Variants in GRIK4 observed in about 807,000 individuals in gnomAD.
GRIK4 encodes glutamate receptor ionotropic, kainate 4.
A neutral mutation model predicts 104.9 loss-of-function variants in GRIK4; 40 were observed. The observed-to-expected ratio is 0.38, with a 90% CI of 0.30 to 0.50. The LOEUF (loss-of-function observed/expected upper bound fraction) is 0.50, where lower values mean the gene tolerates loss of function less well. Ranked by LOEUF, GRIK4 falls within the 20% of genes least tolerant of loss-of-function variation. GRIK4 has a pLI of 0.93. For missense variants in GRIK4, 1,047 were observed against 1,308.1 expected, an observed-to-expected ratio of 0.80 and a Z score of 3.08; for synonymous variants, 485 against 524.9, an observed-to-expected ratio of 0.92 and a Z score of 1.04.
At chr11:120,590,809 A>G (rs543239147) in intron 1 of GRIK4, among the ~76,000 whole-genome samples, 14 of 152,190 alleles carry the variant, frequency 9.2e-5, no homozygotes, top group African/African-American at 3.4e-4. Flanking sequence ...TTGCTAAGTG[A>G]TTTATACAGA....
chr11:120,962,368 T>G (rs1392051022), intron 17 of GRIK4, 88 bp from the exon 18 acceptor site: 4 of 830,504 alleles, frequency 4.8e-6, no homozygotes, highest in Middle Eastern at 4.5e-4. Flanking sequence ...AGGGCCGGCA[T>G]CTTAAGGTGC....
At chr11:120,908,811 C>T (rs949055) in intron 13 of GRIK4, among the ~76,000 whole-genome samples, 92,256 of 152,094 alleles carry the variant, frequency 0.61, 28,929 homozygotes, top group East Asian at 0.84. Flanking sequence ...ACCTCCCCAA[C>T]ACTTCTAGGC....
chr11:120,516,261 G>A (rs1947722847), intron 1 of GRIK4, among the ~76,000 whole-genome samples: 1 of 152,162 alleles, frequency 6.6e-6, no homozygotes. Flanking sequence ...CATGGCGTGT[G>A]TGTTGATTGC....
intron 1 of GRIK4, among the ~76,000 whole-genome samples, chr11:120,548,648 G>A (rs1267279831): frequency 6.6e-6 from 1 of 152,132 alleles, no homozygotes; most frequent in Non-Finnish European, 1.5e-5. Flanking sequence ...GAGACCTCTG[G>A]TGGCAGCTGG....
intron 3 of GRIK4, among the ~76,000 whole-genome samples, chr11:120,722,345 G>A (rs1418714492): frequency 2.0e-5 from 3 of 152,180 alleles, no homozygotes; most frequent in South Asian, 2.1e-4. Context: ...GGGGCCGGGC[G>A]CAGTGGCTCA....
At chr11:120,613,228 T>A (rs1379402593) in intron 1 of GRIK4, among the ~76,000 whole-genome samples, 1 of 152,130 alleles carries the variant, frequency 6.6e-6, no homozygotes, top group East Asian at 1.9e-4. Context: ...TCCTCACACT[T>A]TCTGTTTCTT....
intron 3 of GRIK4, among the ~76,000 whole-genome samples, chr11:120,777,630 C>A (rs1341600759): frequency 1.3e-5 from 2 of 152,186 alleles, no homozygotes; most frequent in Non-Finnish European, 2.9e-5. Flanking sequence ...TGTTGATATA[C>A]ACTATGGACA....
chr11:120,856,304 G>A (rs1954103899), intron 8 of GRIK4, among the ~76,000 whole-genome samples: 1 of 152,176 alleles, frequency 6.6e-6, no homozygotes, highest in African/African-American at 2.4e-5. Flanking sequence ...ACTGTTTCCT[G>A]ATGAGATTGC....
rs529444793 is a variant in GRIK4, at chr11:120,749,690, C to T, written c.83-53003C>T. On this transcript the variant is annotated intron_variant, in intron 3 of 20. Transcript: ENST00000527524. ...GCAGGAAGATGGTAAATAATGCCAG[C>T]GCTGCTTTGTGGTAGGGAGCTCTTT... 4.6e-5 allele frequency among the ~76,000 whole-genome samples: 7 copies of T among 152,204 alleles called. No homozygotes were observed. The East Asian group carries it at 5.8e-4, about 13-fold the overall frequency.
At chr11:120,795,215 C>T (rs1952486702) in intron 3 of GRIK4, among the ~76,000 whole-genome samples, 1 of 152,192 alleles carries the variant, frequency 6.6e-6, no homozygotes, top group Non-Finnish European at 1.5e-5. Context: ...TGGAAATCTT[C>T]AGCAGCGAGG....
In GRIK4 at chr11:120,555,487, C is replaced by T. The variant is rs1405975650; in HGVS notation, c.-159+43600C>T. 6.6e-6 allele frequency among the ~76,000 whole-genome samples: 1 copy of T among 152,238 alleles called. No homozygotes were observed. The highest frequency in any genetic ancestry group is 1.5e-5 in the Non-Finnish European group (1 of 68,032). Reference sequence around the variant, plus strand: ...TACTCGCCGAGCCAGCATTCACACACTTTCTCCTCTTCACTCAGTAAAATT... The same window carrying T: ...TACTCGCCGAGCCAGCATTCACACATTTTCTCCTCTTCACTCAGTAAAATT... On this transcript the variant is annotated intron_variant, in intron 1 of 20. Coordinates refer to ENST00000527524, the MANE Select transcript of GRIK4 (RefSeq NM_014619.5). The surrounding 1 kb of genome is among the most constrained non-coding windows in gnomAD (Gnocchi z 5.3).
chr11:120,892,296 G>A (rs1251719876), intron 11 of GRIK4, among the ~76,000 whole-genome samples: 2 of 152,226 alleles, frequency 1.3e-5, no homozygotes, highest in African/African-American at 4.8e-5. Context: ...GCAGGCCATA[G>A]TAAGAGTTTT....
At chr11:120,595,660 T>C (rs1281337538) in intron 1 of GRIK4, among the ~76,000 whole-genome samples, 1 of 152,230 alleles carries the variant, frequency 6.6e-6, no homozygotes, top group African/African-American at 2.4e-5. Context: ...TCTTTGCATA[T>C]GCATCTCAGT....
intron 3 of GRIK4, among the ~76,000 whole-genome samples, chr11:120,706,005 A>G (rs928000394): frequency 5.3e-5 from 8 of 152,144 alleles, no homozygotes; most frequent in African/African-American, 1.9e-4. Context: ...CCACTCCGGC[A>G]TATCACCCTA....
intron 8 of GRIK4, among the ~76,000 whole-genome samples, chr11:120,843,130 GGGCACT>G (rs1953758874): frequency 6.6e-6 from 1 of 152,258 alleles, no homozygotes; most frequent in African/African-American, 2.4e-5. Flanking sequence ...GGAAATAATT[GGGCACT>G]GGAAGCAGGA....
intron 1 of GRIK4, among the ~76,000 whole-genome samples, chr11:120,559,831 C>A (rs915564426): frequency 6.6e-6 from 1 of 152,096 alleles, no homozygotes; most frequent in African/African-American, 2.4e-5. Context: ...CTGTGTTCTG[C>A]GTTTAATGCA....
chr11:120,787,762 C>T (rs1952311230), intron 3 of GRIK4, among the ~76,000 whole-genome samples: 1 of 149,382 alleles, frequency 6.7e-6, no homozygotes, highest in Admixed American at 6.7e-5. Flanking sequence ...CGCACCTGGC[C>T]TCTTTGGATG....
At chr11:120,879,176 G>C (rs998670141) in intron 11 of GRIK4, among the ~76,000 whole-genome samples, 1 of 152,166 alleles carries the variant, frequency 6.6e-6, no homozygotes, top group Non-Finnish European at 1.5e-5. Flanking sequence ...GGCAAAGCCC[G>C]TGCTCTCGGA....
At chr11:120,970,806 C>T (rs1565470224) in intron 19 of GRIK4, among the ~76,000 whole-genome samples, 1 of 152,144 alleles carries the variant, frequency 6.6e-6, no homozygotes, top group African/African-American at 2.4e-5. Flanking sequence ...TAAATGTTTA[C>T]CCTCCTGCGT....
Sources: gnomAD v4.1 joint callset for allele counts (sites outside exome capture counted in the v4.1 genomes callset) on GRCh38, gnomAD v4.1.1 for gene constraint, Gnocchi (gnomAD v3.1) non-coding constraint, MANE v1.5 for transcripts, NCBI Gene and HGNC (gene_info 2026-07-23, HGNC 2026-07-21) for gene names.